Variants in JAM3 observed in about 807,000 individuals in gnomAD.
JAM3 encodes the protein junctional adhesion molecule 3.
Under a neutral mutation model 39.4 loss-of-function variants are expected in JAM3, and 31 were observed. The ratio of observed to expected loss-of-function variants is 0.79; its 90% CI spans 0.59 to 1.06. The LOEUF is 1.06. JAM3 is among the 50% of genes least tolerant of loss of function. JAM3 has a pLI of 0.00. For synonymous variants in JAM3, 182 were observed against 148.7 expected, an observed-to-expected ratio of 1.22 and a Z score of -1.63; for missense variants, 455 against 391.4, an observed-to-expected ratio of 1.16 and a Z score of -1.37.
At chr11:134,118,806 C>T (rs1266138605) in intron 1 of JAM3, among the ~76,000 whole-genome samples, 1 of 152,100 alleles carries the variant, frequency 6.6e-6, no homozygotes, top group Non-Finnish European at 1.5e-5. Context: ...CTGGACTTTC[C>T]ACTTATGCTT....
At chr11:134,136,994 T>C (rs1421123966) in intron 1 of JAM3, among the ~76,000 whole-genome samples, 1 of 151,782 alleles carries the variant, frequency 6.6e-6, no homozygotes, top group Admixed American at 6.6e-5. Context: ...GCGCCTGTAG[T>C]CCCAGCTACT....
intron 5 of JAM3, 41 bp from the exon 6 acceptor site, chr11:134,145,905 C>A: frequency 7.2e-7 from 1 of 1,395,000 alleles, no homozygotes; most frequent in Non-Finnish European, 1.0e-6. Context: ...AAATCGGCCC[C>A]ATGATGGGTC....
At position 134,148,811 on chromosome 11, in the gene JAM3, A is replaced by T. The variant is rs1343678580; in HGVS notation, c.890A>T (p.Asp297Val). Residue 297 changes from aspartate (D) to valine (V), a missense_variant, in exon 8 of 9, where the codon GAC becomes GTC. Physicochemically the swap from Asp to Val is radical, Grantham distance 152. Coordinates refer to ENST00000299106, the MANE Select transcript of JAM3 (RefSeq NM_032801.5). ...GATGGAGTTAACTACATCCGCACTG[A>T]CGAGGAGGTAATCATTTAGTAAACC... ...KPDGVNYIRT[D>V]EEGDFRHKSS... 1 of 1,614,160 alleles carries T rather than the reference A, an allele frequency of 6.2e-7. No individual in the cohort carries two copies. Among genetic ancestry groups the T allele is most frequent in the Non-Finnish European group, 8.5e-7 (1 of 1,179,994 alleles).
At chr11:134,105,356 AAAT>A (rs1347036638) in intron 1 of JAM3, among the ~76,000 whole-genome samples, 10 of 152,162 alleles carry the variant, frequency 6.6e-5, no homozygotes, top group Admixed American at 6.5e-5. Flanking sequence ...ACGTATCTCA[AAAT>A]AATAAGAGTT....
chr11:134,082,575 T>G (rs951689326), intron 1 of JAM3, among the ~76,000 whole-genome samples: 1 of 152,132 alleles, frequency 6.6e-6, no homozygotes, highest in African/African-American at 2.4e-5. Flanking sequence ...AAGGGAAGTT[T>G]CCCTATACAA....
chr11:134,125,035 C>A (rs1163779863), intron 1 of JAM3, among the ~76,000 whole-genome samples: 1 of 152,210 alleles, frequency 6.6e-6, no homozygotes, highest in Non-Finnish European at 1.5e-5. Context: ...GTGGCGGCGG[C>A]GCGTCTCCAC....
intron 1 of JAM3, among the ~76,000 whole-genome samples, chr11:134,120,278 A>G (rs2120768180): frequency 6.6e-6 from 1 of 152,256 alleles, no homozygotes; most frequent in Admixed American, 6.5e-5. Context: ...CCTCGCAGTA[A>G]TGCATGCTGA....
At chr11:134,098,182 T>G (rs1024066247) in intron 1 of JAM3, among the ~76,000 whole-genome samples, 2 of 152,138 alleles carry the variant, frequency 1.3e-5, no homozygotes, top group African/African-American at 4.8e-5. Flanking sequence ...TAGCCATTCC[T>G]TTTACTGTGC....
At chr11:134,074,029 TGCA>T (rs1941524754) in intron 1 of JAM3, among the ~76,000 whole-genome samples, 1 of 152,222 alleles carries the variant, frequency 6.6e-6, no homozygotes. Context: ...TCTGCTTTTG[TGCA>T]GTTACAAGGT....
At chr11:134,106,418 A>T (rs1195031572) in intron 1 of JAM3, among the ~76,000 whole-genome samples, 2 of 152,170 alleles carry the variant, frequency 1.3e-5, no homozygotes, top group African/African-American at 2.4e-5. Context: ...AGGCAATACC[A>T]TTCAGGACAT....
chr11:134,145,142 T>A (rs2120875136), intron 5 of JAM3, 148 bp downstream of exon 5: 2 of 724,052 alleles, frequency 2.8e-6, no homozygotes, highest in East Asian at 2.7e-5. Context: ...ACAGGAAAAA[T>A]GACCCTTCTT....
At chr11:134,144,750 C>G in intron 4 of JAM3, 42 bp from the exon 5 acceptor site, 1 of 1,519,680 alleles carries the variant, frequency 6.6e-7, no homozygotes, top group Non-Finnish European at 9.1e-7. Flanking sequence ...AGAATAGAGC[C>G]CTGTCACTGA....
intron 1 of JAM3, among the ~76,000 whole-genome samples, chr11:134,083,603 C>T (rs770138390): frequency 6.6e-6 from 1 of 152,104 alleles, no homozygotes; most frequent in Non-Finnish European, 1.5e-5. Flanking sequence ...TAAGTAAAAT[C>T]TGTTAAAACT....
At chr11:134,145,617 G>T (rs553693752) in intron 5 of JAM3, among the ~76,000 whole-genome samples, 1 of 152,318 alleles carries the variant, frequency 6.6e-6, no homozygotes, top group East Asian at 1.9e-4. Flanking sequence ...TCATCAGACA[G>T]ATTTTAACAG....
At chr11:134,147,925 G>C (rs1943108770) in intron 6 of JAM3, 1 of 154,014 alleles carries the variant, frequency 6.5e-6, no homozygotes, top group Non-Finnish European at 1.4e-5. Context: ...TTGCTTGAAG[G>C]AACGGCTGCC....
chr11:134,133,545 G>A (rs1942807510), intron 1 of JAM3, among the ~76,000 whole-genome samples: 1 of 151,930 alleles, frequency 6.6e-6, no homozygotes, highest in South Asian at 2.1e-4. Flanking sequence ...GCATTAGTTG[G>A]GATGATCATG....
At chr11:134,127,298 TAATCTG>T (rs1942668136) in intron 1 of JAM3, among the ~76,000 whole-genome samples, 1 of 152,242 alleles carries the variant, frequency 6.6e-6, no homozygotes, top group Non-Finnish European at 1.5e-5. Context: ...CCTAAGGAAT[TAATCTG>T]AATCATTTTC....
chr11:134,147,179 G>A (rs1943088839), intron 6 of JAM3, among the ~76,000 whole-genome samples: 1 of 152,020 alleles, frequency 6.6e-6, no homozygotes, highest in African/African-American at 2.4e-5. Context: ...TGCATGCCAG[G>A]CGTGGTGGCT....
intron 1 of JAM3, among the ~76,000 whole-genome samples, chr11:134,130,097 C>T (rs532644999): frequency 1.3e-5 from 2 of 152,116 alleles, no homozygotes; most frequent in Non-Finnish European, 2.9e-5. Flanking sequence ...ATAAGCACAT[C>T]GAGTAGTTAC....
Sources: allele counts gnomAD v4.1 joint callset (sites outside exome capture counted in the v4.1 genomes callset), GRCh38; gene constraint gnomAD v4.1.1; transcripts MANE v1.5; gene names NCBI Gene and HGNC (gene_info 2026-07-23, HGNC 2026-07-21).